MACROD2: variants seen among roughly 807,000 people sequenced by gnomAD.
MACROD2 encodes the protein ADP-ribose glycohydrolase MACROD2.
MACROD2 carries 36 observed loss-of-function variants against 70.4 expected under a neutral mutation model. The ratio of observed to expected loss-of-function variants is 0.51; its 90% CI spans 0.39 to 0.68. The LOEUF is 0.68. Among genes scored for constraint, MACROD2 ranks in the 30% least tolerant of loss-of-function variants. The probability of loss-of-function intolerance (pLI) is 0.00; values close to 1 mark genes in which losing one functional copy is unlikely to be tolerated. For synonymous variants in MACROD2, 172 were observed against 178.8 expected (o/e 0.96, Z 0.30); for missense variants, 496 against 538.4 (o/e 0.92, Z 0.78).
chr20:15,962,898 A>T (rs1417879485), intron 12 of MACROD2, among the ~76,000 whole-genome samples: 1 of 152,208 alleles, frequency 6.6e-6, no homozygotes, highest in African/African-American at 2.4e-5. Flanking sequence ...GACCAAGCAC[A>T]GTTCAGATCA....
chr20:14,785,927 A>G (rs989667307), intron 5 of MACROD2, among the ~76,000 whole-genome samples: 2 of 152,062 alleles, frequency 1.3e-5, no homozygotes, highest in East Asian at 1.9e-4. Context: ...TAAAAGGACA[A>G]TGCTTCTTCA....
chr20:13,995,536 T>C lies in MACROD2; in HGVS notation c.-228T>C. The C allele has an allele frequency of 1.6e-6, 1 of 627,864 alleles. No individual in the cohort carries two copies. Among genetic ancestry groups the C allele is most frequent in the South Asian group, 1.8e-5 (1 of 55,806 alleles). 38.9% of individuals were successfully genotyped at this position (627,864 alleles called of 1,614,324 possible). ...TAGTTGACAGGCTCTGAGGTGCTGC[T>C]GTGGCGGCGTCCGCGGGGCTGAGGC... On this transcript the variant is annotated 5_prime_UTR_variant, in exon 1 of 18. Transcript: ENST00000684519. The surrounding 1 kb of genome is among the most constrained non-coding windows in gnomAD (Gnocchi z 4.3).
At chr20:14,440,548 G>A (rs2084109559) in intron 3 of MACROD2, among the ~76,000 whole-genome samples, 1 of 152,156 alleles carries the variant, frequency 6.6e-6, no homozygotes, top group Non-Finnish European at 1.5e-5. Context: ...AATATTGTGA[G>A]CAGATCTGTG....
chr20:14,683,220 T>G (rs1360443572), intron 4 of MACROD2, among the ~76,000 whole-genome samples: 1 of 152,164 alleles, frequency 6.6e-6, no homozygotes. Flanking sequence ...ATTTCAAAAT[T>G]TACACAAAAT....
chr20:14,708,522 T>C (rs1330309631), intron 5 of MACROD2, among the ~76,000 whole-genome samples: 1 of 152,200 alleles, frequency 6.6e-6, no homozygotes, highest in Non-Finnish European at 1.5e-5. Flanking sequence ...GGTTAGGAGA[T>C]TGACTGTGAG....
intron 15 of MACROD2, among the ~76,000 whole-genome samples, chr20:16,031,254 G>A (rs2067147744): frequency 6.6e-6 from 1 of 151,916 alleles, no homozygotes. Flanking sequence ...AGGTAGAAAG[G>A]GTAATTTCAC....
At chr20:15,916,814 A>G (rs1320047549) in intron 10 of MACROD2, among the ~76,000 whole-genome samples, 1 of 152,170 alleles carries the variant, frequency 6.6e-6, no homozygotes, top group East Asian at 1.9e-4. Flanking sequence ...TTCCTACACT[A>G]CAAGGGTAAT....
At chr20:14,005,521 T>A (rs1309102315) in intron 2 of MACROD2, among the ~76,000 whole-genome samples, 1 of 152,170 alleles carries the variant, frequency 6.6e-6, no homozygotes, top group African/African-American at 2.4e-5. Flanking sequence ...TGGTGCCTTA[T>A]GGGTTGGTGG....
intron 5 of MACROD2, among the ~76,000 whole-genome samples, chr20:15,182,176 A>G (rs963427180): frequency 1.6e-4 from 24 of 152,176 alleles, no homozygotes; most frequent in African/African-American, 5.6e-4. Flanking sequence ...TTTGCTTCAG[A>G]TATCTTTTCA....
intron 8 of MACROD2, among the ~76,000 whole-genome samples, chr20:15,749,447 C>T (rs565917102): frequency 1.1e-4 from 17 of 151,882 alleles, no homozygotes; most frequent in African/African-American, 3.1e-4. Flanking sequence ...CCTAAAATTT[C>T]GGATCTATCA....
intron 3 of MACROD2, among the ~76,000 whole-genome samples, chr20:14,320,451 C>T (rs1240850142): frequency 6.6e-6 from 1 of 152,052 alleles, no homozygotes; most frequent in Non-Finnish European, 1.5e-5. Flanking sequence ...CTGAAGTGCA[C>T]TGATCATTTA....
chr20:14,517,495 C>T (rs406441), intron 4 of MACROD2, among the ~76,000 whole-genome samples: 124,619 of 151,972 alleles, frequency 0.82, 51,503 homozygotes, highest in East Asian at 1. Flanking sequence ...AATGAGAACA[C>T]GTGGACACAA....
chr20:15,391,271 T>C (rs1568771053), intron 6 of MACROD2, among the ~76,000 whole-genome samples: 2 of 152,234 alleles, frequency 1.3e-5, no homozygotes, highest in Non-Finnish European at 2.9e-5. Context: ...ATCAGTGCAA[T>C]TGCTTTTGTG....
intron 8 of MACROD2, among the ~76,000 whole-genome samples, chr20:15,673,532 A>T (rs1207000166): frequency 1.3e-5 from 2 of 152,194 alleles, no homozygotes; most frequent in South Asian, 2.1e-4. Context: ...CTATTAAAAA[A>T]TTTTAAAAGC....
At chr20:14,570,711 A>G (rs1246202794) in intron 4 of MACROD2, among the ~76,000 whole-genome samples, 1 of 152,048 alleles carries the variant, frequency 6.6e-6, no homozygotes, top group African/African-American at 2.4e-5. Context: ...CCTGATCCTT[A>G]GAACACTAAG....
intron 3 of MACROD2, among the ~76,000 whole-genome samples, chr20:14,198,035 TGGA>T (rs2148745057): frequency 6.6e-6 from 1 of 152,252 alleles, no homozygotes; most frequent in South Asian, 2.1e-4. Flanking sequence ...TGGGGAATGG[TGGA>T]GAATGCTGAG....
At chr20:15,608,004 T>C (rs2048917711) in intron 8 of MACROD2, among the ~76,000 whole-genome samples, 1 of 152,238 alleles carries the variant, frequency 6.6e-6, no homozygotes, top group African/African-American at 2.4e-5. Flanking sequence ...AACTTAGCCA[T>C]GGCTTAACCC....
chr20:15,407,396 G>A (rs1443916795), intron 6 of MACROD2, among the ~76,000 whole-genome samples: 1 of 152,186 alleles, frequency 6.6e-6, no homozygotes, highest in African/African-American at 2.4e-5. Flanking sequence ...GTTCACTAGT[G>A]TACACTCTCA....
chr20:15,318,680 T>G (rs1334709667), intron 6 of MACROD2, among the ~76,000 whole-genome samples: 1 of 152,010 alleles, frequency 6.6e-6, no homozygotes, highest in Non-Finnish European at 1.5e-5. Context: ...ATAACAGCAA[T>G]CAATGTAATA....
Sources: allele counts gnomAD v4.1 joint callset (sites outside exome capture counted in the v4.1 genomes callset), GRCh38; gene constraint gnomAD v4.1.1; non-coding constraint Gnocchi (gnomAD v3.1); transcripts MANE v1.5; gene names NCBI Gene and HGNC (gene_info 2026-07-23, HGNC 2026-07-21).